PCDHGA3: variants seen among roughly 807,000 people sequenced by gnomAD.
PCDHGA3 encodes protocadherin gamma-A3.
Under a neutral mutation model 58.5 loss-of-function variants are expected in PCDHGA3, and 40 were observed. That is an observed-to-expected ratio of 0.68 (90% CI 0.53 to 0.89). PCDHGA3 has a LOEUF of 0.89. Among genes scored for constraint, PCDHGA3 ranks in the 40% least tolerant of loss-of-function variants. The pLI is 0.00. For synonymous variants in PCDHGA3, 530 were observed against 525.7 expected (o/e 1.01, Z -0.11); for missense variants, 1,223 against 1,195.9 (o/e 1.02, Z -0.33).
Position 141,420,413 on chromosome 5 carries a change from A to G in PCDHGA3, c.2424+73956A>G, listed in dbSNP as rs191893876. 4 of 1,222,394 alleles carry G rather than the reference A, an allele frequency of 3.3e-6. No individual in the cohort carries two copies. In the Admixed American group the frequency reaches 1.1e-4, roughly 33 times the overall value. 75.7% of individuals were successfully genotyped at this position (1,222,394 alleles called of 1,614,324 possible). A position where few individuals can be genotyped will look rare whatever the true frequency, so the allele number is the denominator to read the frequency against. ...ATAGGTCAAATTTATGGTTATCATT[A>G]TTAAAACAAAAGTTTAAATTAAATG... On this transcript the variant is annotated intron_variant, in intron 1 of 3. Transcript: ENST00000253812.
intron 1 of PCDHGA3, chr5:141,389,382 T>C (rs2091728828): frequency 6.2e-7 from 1 of 1,613,704 alleles, no homozygotes; most frequent in East Asian, 2.2e-5. Flanking sequence ...GCGGGAGCTG[T>C]CATCCTACGT....
At chr5:141,451,107 C>T (rs768308463) in intron 1 of PCDHGA3, among the ~76,000 whole-genome samples, 3 of 152,118 alleles carry the variant, frequency 2.0e-5, no homozygotes, top group Non-Finnish European at 4.4e-5. Flanking sequence ...GGATTACAGG[C>T]GTGAGCCACC....
chr5:141,478,116 C>T (rs145816520), intron 1 of PCDHGA3: 1 of 1,613,974 alleles, frequency 6.2e-7, no homozygotes, highest in Non-Finnish European at 8.5e-7. Flanking sequence ...GTGTCAGTAA[C>T]CGAGGACTCT....
intron 1 of PCDHGA3, chr5:141,441,894 G>T: frequency 2.9e-6 from 1 of 347,862 alleles, no homozygotes; most frequent in Non-Finnish European, 5.6e-6. Context: ...CCAAGGTGGT[G>T]GCTGTAGACG....
chr5:141,363,505 C>T (rs1762954025), intron 1 of PCDHGA3, among the ~76,000 whole-genome samples: 1 of 152,194 alleles, frequency 6.6e-6, no homozygotes, highest in Non-Finnish European at 1.5e-5. Flanking sequence ...AAACCCCATC[C>T]TCCACAGTTA....
intron 1 of PCDHGA3, among the ~76,000 whole-genome samples, chr5:141,386,837 A>G (rs551845645): frequency 1.3e-5 from 2 of 152,378 alleles, no homozygotes; most frequent in Middle Eastern, 6.8e-3. Context: ...ATGGAGAGAC[A>G]TAATCACTAA....
rs368231432 is a variant in PCDHGA3 at position 141,374,734 on chromosome 5, C to T, written c.2424+28277C>T. On this transcript the variant is annotated intron_variant, in intron 1 of 3. Coordinates refer to ENST00000253812, the MANE Select transcript of PCDHGA3 (RefSeq NM_018916.4). ...GCCTGGTCCTTACTGCCATGGATGGCGGCGACCCTGTCCGCTCAAGCGTCG... is the reference window on the plus strand; with the variant it reads ...GCCTGGTCCTTACTGCCATGGATGGTGGCGACCCTGTCCGCTCAAGCGTCG... 43 of 1,610,046 alleles carry T rather than the reference C, an allele frequency of 2.7e-5. 2 individuals are homozygous for T. In the South Asian group the frequency reaches 4.2e-4, roughly 16 times the overall value.
At chr5:141,423,838 T>G in intron 1 of PCDHGA3, 1 of 1,279,552 alleles carries the variant, frequency 7.8e-7, no homozygotes, top group South Asian at 3.5e-5. Context: ...GAGATTACGA[T>G]AATCTTTCAG....
At position 141,393,626 on chromosome 5, in the gene PCDHGA3, G is replaced by C. The variant is rs2092811511; in HGVS notation, c.2424+47169G>C. ...CTGTAACAGCCAGCGACCCGGATGA[G>C]GGAATCAACGGAAAAGTGGCATACA... On this transcript the variant is annotated intron_variant, in intron 1 of 3. Coordinates refer to ENST00000253812, the MANE Select transcript of PCDHGA3 (RefSeq NM_018916.4). 10 of 1,613,922 alleles carry C rather than the reference G, an allele frequency of 6.2e-6. No individual in the cohort carries two copies. The highest frequency in any genetic ancestry group is 8.5e-6 in the Non-Finnish European group (10 of 1,179,904).
At chr5:141,463,401 A>T (rs57406832) in intron 1 of PCDHGA3, among the ~76,000 whole-genome samples, 25,027 of 149,108 alleles carry the variant, frequency 0.17, 2,158 homozygotes, top group South Asian at 0.22. Context: ...GGCAAAAAAA[A>T]TGGAGATCCT....
chr5:141,365,250 T>C, intron 1 of PCDHGA3: 1 of 1,613,976 alleles, frequency 6.2e-7, no homozygotes, highest in Non-Finnish European at 8.5e-7. Flanking sequence ...CTACAATCAC[T>C]GGACTATGAA....
chr5:141,475,628 C>T (rs2099366226), intron 1 of PCDHGA3, among the ~76,000 whole-genome samples: 1 of 152,116 alleles, frequency 6.6e-6, no homozygotes. Context: ...TTGGTTCGAT[C>T]CCCTTTCTTG....
chr5:141,345,257 A>T lies in PCDHGA3; in HGVS notation c.1224A>T (p.Thr408=). ...IDQYYRLVTA[T]SLDREQISEY... ...AATATTACCGCTTAGTGACGGCCAC[A>T]TCCCTGGACCGCGAACAAATATCAG... Residue 408 remains threonine (T), a synonymous_variant, in exon 1 of 4, where the codon ACA becomes ACT. Coordinates refer to ENST00000253812, the MANE Select transcript of PCDHGA3 (RefSeq NM_018916.4). The T allele has an allele frequency of 6.2e-7, 1 of 1,614,000 alleles. No individual in the cohort carries two copies. Among genetic ancestry groups the T allele is most frequent in the Non-Finnish European group, 8.5e-7 (1 of 1,179,902 alleles).
At position 141,404,691 on chromosome 5, in the gene PCDHGA3, G is replaced by T. The variant is rs200601931; in HGVS notation, c.2424+58234G>T. ...TCTACTGGTGTGGAGCTGGCACCCC[G>T]CTCTGCAGAGCCTGGCTACCTGGTG... On this transcript the variant is annotated intron_variant, in intron 1 of 3. Transcript: ENST00000253812. 28 of 1,613,996 alleles carry T rather than the reference G, an allele frequency of 1.7e-5. No individual in the cohort carries two copies. The highest frequency in any genetic ancestry group is 1.6e-4 in the Middle Eastern group (1 of 6,062).
In PCDHGA3 at chr5:141,488,647, T is replaced by TG. The variant is rs535492979; in HGVS notation, c.2425-6155dup. ...CTCACCTTAGCAGCATTCAGCAGGA[T>TG]GGGGGAGGGTGGGGGAATACATGGG... On this transcript the variant is annotated intron_variant, in intron 1 of 3. Transcript: ENST00000253812. Among the ~76,000 whole-genome samples, 173 of 152,088 alleles carry TG rather than the reference T, an allele frequency of 1.1e-3. 1 individual carries two copies. Among genetic ancestry groups the TG allele is most frequent in the African/African-American group, 3.9e-3 (160 of 41,492 alleles).
At position 141,487,385 on chromosome 5, in the gene PCDHGA3, CGAA is replaced by C; in HGVS notation, c.2425-7420_2425-7418del. 6.2e-7 allele frequency: 1 copy of C among 1,614,160 alleles called. No individual in the cohort carries two copies. The highest frequency in any genetic ancestry group is 8.5e-7 in the Non-Finnish European group (1 of 1,180,046). On this transcript the variant is annotated intron_variant, in intron 1 of 3. Coordinates refer to ENST00000253812, the MANE Select transcript of PCDHGA3 (RefSeq NM_018916.4). The surrounding 1 kb of genome is among the most constrained non-coding windows in gnomAD (Gnocchi z 5.0). ...CACCTGTGCCTGTCTCACCAGATCTCGAAGGAGGGAGGGGCTTCCCCCTTCCAA... is the reference window on the plus strand; with the variant it reads ...CACCTGTGCCTGTCTCACCAGATCTCGGAGGGAGGGGCTTCCCCCTTCCAA...
chr5:141,382,603 T>C, intron 1 of PCDHGA3: 1 of 269,778 alleles, frequency 3.7e-6, no homozygotes, highest in Non-Finnish European at 6.9e-6. Flanking sequence ...AACAATTTTC[T>C]ATGAAATCAG....
Position 141,490,192 on chromosome 5 carries a change from A to C in PCDHGA3, c.2425-4615A>C. 1 of 1,614,182 alleles carries C rather than the reference A, an allele frequency of 6.2e-7. No homozygotes were observed. Among genetic ancestry groups the C allele is most frequent in the South Asian group, 1.1e-5 (1 of 91,082 alleles). On this transcript the variant is annotated intron_variant, in intron 1 of 3. Coordinates refer to ENST00000253812, the MANE Select transcript of PCDHGA3 (RefSeq NM_018916.4). The surrounding 1 kb of genome is among the most constrained non-coding windows in gnomAD (Gnocchi z 5.4). Reference sequence around the variant, plus strand: ...CTTTGAGGAGTCACGTTTCTATGAAATTCATGCAAGAGCCCGTGACCAGGG... The same window carrying C: ...CTTTGAGGAGTCACGTTTCTATGAACTTCATGCAAGAGCCCGTGACCAGGG...
intron 1 of PCDHGA3, chr5:141,413,459 A>C: frequency 1.9e-6 from 3 of 1,614,080 alleles, no homozygotes; most frequent in Non-Finnish European, 2.5e-6. Flanking sequence ...GGCAGGATAG[A>C]CCGGGAGGAG....
Sources: gnomAD v4.1 joint callset for allele counts (sites outside exome capture counted in the v4.1 genomes callset) on GRCh38, gnomAD v4.1.1 for gene constraint, Gnocchi (gnomAD v3.1) non-coding constraint, MANE v1.5 for transcripts, NCBI Gene and HGNC (gene_info 2026-07-23, HGNC 2026-07-21) for gene names.